ARNT2: variants seen among roughly 807,000 people sequenced by gnomAD.
The protein encoded by ARNT2 is aryl hydrocarbon receptor nuclear translocator 2.
In ARNT2, 36 loss-of-function variants were observed where a neutral mutation model predicts 91.7. The observed-to-expected ratio is 0.39, with a 90% CI of 0.30 to 0.52. The LOEUF (loss-of-function observed/expected upper bound fraction) is 0.52. ARNT2 is among the 20% of genes least tolerant of loss of function. The pLI is 0.72. For synonymous variants in ARNT2, 365 were observed against 347.1 expected (o/e 1.05, Z -0.57); for missense variants, 775 against 939.3 (o/e 0.83, Z 2.29).
intron 12 of ARNT2, among the ~76,000 whole-genome samples, chr15:80,568,214 T>G (rs1898521409): frequency 2.0e-5 from 3 of 152,226 alleles, no homozygotes; most frequent in Admixed American, 2.0e-4. Context: ...GAAACGTGCC[T>G]TGGCACTGGG....
Position 80,546,677 on chromosome 15 carries a change from G to A in ARNT2, c.878-4522G>A, listed in dbSNP as rs140570476. Among the ~76,000 whole-genome samples the A allele has an allele frequency of 3.9e-5, 6 of 152,222 alleles. No individual in the cohort carries two copies. In the East Asian group the frequency reaches 1.2e-3, roughly 29 times the overall value. On this transcript the variant is annotated intron_variant, in intron 8 of 18. Coordinates refer to ENST00000303329, the MANE Select transcript of ARNT2 (RefSeq NM_014862.4). The stretch of plus-strand genomic sequence containing the variant: ...TCATAAATGTATGGTTAGAAATAGA[G>A]GCAATGGCTGGGCGCGGTGGCTCAT...
intron 8 of ARNT2, among the ~76,000 whole-genome samples, chr15:80,546,237 A>G (rs1897989287): frequency 6.6e-6 from 1 of 152,194 alleles, no homozygotes; most frequent in Non-Finnish European, 1.5e-5. Context: ...CTTTCACTCC[A>G]CAATCGTTAT....
intron 5 of ARNT2, among the ~76,000 whole-genome samples, chr15:80,507,296 T>C (rs1897289127): frequency 6.6e-6 from 1 of 152,146 alleles, no homozygotes; most frequent in South Asian, 2.1e-4. Context: ...TCACTGCTTC[T>C]TCCTCTGAGG....
chr15:80,474,889 C>A, intron 4 of ARNT2, 121 bp from the exon 5 acceptor site: 1 of 1,044,366 alleles, frequency 9.6e-7, no homozygotes, highest in Non-Finnish European at 1.4e-6. Context: ...ATTTCCCAAA[C>A]TATTTGTGTA....
chr15:80,422,124 T>C (rs1487768597), intron 1 of ARNT2, among the ~76,000 whole-genome samples: 1 of 151,974 alleles, frequency 6.6e-6, no homozygotes, highest in Non-Finnish European at 1.5e-5. Flanking sequence ...CAGGTAGAGA[T>C]GGTAGGGAGA....
intron 1 of ARNT2, among the ~76,000 whole-genome samples, chr15:80,407,873 T>C (rs954088646): frequency 2.6e-5 from 4 of 152,224 alleles, no homozygotes; most frequent in African/African-American, 9.6e-5. Context: ...AATGTCATTG[T>C]TCCATCTTAA....
chr15:80,458,635 G>A (rs2141385945), intron 3 of ARNT2, among the ~76,000 whole-genome samples: 1 of 152,110 alleles, frequency 6.6e-6, no homozygotes, highest in African/African-American at 2.4e-5. Flanking sequence ...CATACGTGAA[G>A]GATAAGGCAG....
intron 5 of ARNT2, among the ~76,000 whole-genome samples, chr15:80,482,271 G>C (rs1896902140): frequency 6.6e-6 from 1 of 152,140 alleles, no homozygotes; most frequent in East Asian, 1.9e-4. Context: ...CTGCACATTA[G>C]CATCAATCAC....
chr15:80,545,386 T>C (rs567011559), intron 8 of ARNT2, among the ~76,000 whole-genome samples: 34 of 152,326 alleles, frequency 2.2e-4, no homozygotes, highest in South Asian at 2.1e-3. Flanking sequence ...GAGTCCTGAC[T>C]GGTATTTGGT....
chr15:80,469,855 T>C (rs1439854997), intron 3 of ARNT2, among the ~76,000 whole-genome samples: 1 of 152,246 alleles, frequency 6.6e-6, no homozygotes, highest in East Asian at 1.9e-4. Flanking sequence ...CTTTAAGTAA[T>C]CTGCACACCT....
At chr15:80,407,361 C>G (rs1895616054) in intron 1 of ARNT2, among the ~76,000 whole-genome samples, 1 of 152,164 alleles carries the variant, frequency 6.6e-6, no homozygotes, top group Non-Finnish European at 1.5e-5. Context: ...TCTTCACGCT[C>G]ATGTTACTCA....
intron 12 of ARNT2, among the ~76,000 whole-genome samples, chr15:80,571,157 C>T (rs767889068): frequency 7.2e-5 from 11 of 152,156 alleles, no homozygotes; most frequent in Non-Finnish European, 1.6e-4. Context: ...CCTTAGGGGT[C>T]AGGCTTTTTA....
At chr15:80,424,060 C>T (rs544812670) in intron 1 of ARNT2, among the ~76,000 whole-genome samples, 1 of 152,246 alleles carries the variant, frequency 6.6e-6, no homozygotes, top group African/African-American at 2.4e-5. Context: ...TGCATCTTAC[C>T]AATGAAAACT....
intron 5 of ARNT2, among the ~76,000 whole-genome samples, chr15:80,488,904 C>T (rs953628664): frequency 3.3e-5 from 5 of 152,140 alleles, no homozygotes; most frequent in Non-Finnish European, 5.9e-5. Flanking sequence ...AATGAAGTAT[C>T]TTTTATCCTA....
chr15:80,571,249 C>G (rs1438602112), intron 12 of ARNT2, among the ~76,000 whole-genome samples: 1 of 152,184 alleles, frequency 6.6e-6, no homozygotes, highest in East Asian at 1.9e-4. Context: ...CAGAGACTGA[C>G]CAGTTGCCTG....
intron 5 of ARNT2, among the ~76,000 whole-genome samples, chr15:80,483,144 C>T (rs946532000): frequency 6.6e-6 from 1 of 152,188 alleles, no homozygotes; most frequent in African/African-American, 2.4e-5. Context: ...CACTTGCATC[C>T]ATGAAGTGCA....
chr15:80,555,595 T>C (rs77687857), intron 11 of ARNT2: 2,391 of 158,430 alleles, frequency 0.015, 33 homozygotes, highest in Non-Finnish European at 0.022. Flanking sequence ...GCAGTGGTGA[T>C]AGAATGAGCC....
intron 3 of ARNT2, among the ~76,000 whole-genome samples, chr15:80,464,715 G>T (rs1896624852): frequency 6.6e-6 from 1 of 152,196 alleles, no homozygotes; most frequent in Admixed American, 6.5e-5. Context: ...CAGCCTCCAT[G>T]GGGCTCCTGA....
chr15:80,551,932 G>A (rs965429411), intron 9 of ARNT2, among the ~76,000 whole-genome samples: 21 of 152,008 alleles, frequency 1.4e-4, no homozygotes, highest in African/African-American at 2.2e-4. Flanking sequence ...GCTCATCCCC[G>A]CAAGCTCCTC....
Sources: gnomAD v4.1 joint callset for allele counts (sites outside exome capture counted in the v4.1 genomes callset) on GRCh38, gnomAD v4.1.1 for gene constraint, MANE v1.5 for transcripts, NCBI Gene and HGNC (gene_info 2026-07-23, HGNC 2026-07-21) for gene names.